The following MBOAT1 variants were observed in gnomAD, a reference collection of about 807,000 sequenced individuals.
The protein encoded by MBOAT1 is membrane-bound glycerophospholipid O-acyltransferase 1.
Under a neutral mutation model 64.4 loss-of-function variants are expected in MBOAT1, and 67 were observed. The ratio of observed to expected loss-of-function variants is 1.04; its 90% CI spans 0.85 to 1.27. The LOEUF (loss-of-function observed/expected upper bound fraction) is 1.27, where lower values mean the gene tolerates loss of function less well. MBOAT1 is among the 50% of genes most tolerant of loss of function. The pLI is 0.00. For synonymous variants in MBOAT1, 229 were observed against 218.9 expected (o/e 1.05, Z -0.41); for missense variants, 563 against 604.6 (o/e 0.93, Z 0.72).
chr6:20,152,459 G>A (rs914980397), intron 2 of MBOAT1, among the ~76,000 whole-genome samples, 165 bp downstream of exon 2: 3 of 151,562 alleles, frequency 2.0e-5, no homozygotes, highest in Non-Finnish European at 2.9e-5. Context: ...AGTAAATGGA[G>A]AGTCCTGCAA....
Position 20,203,800 on chromosome 6 carries a change from TAAA to T in MBOAT1, c.99+8333_99+8335del, listed in dbSNP as rs59442669. Among the ~76,000 whole-genome samples the T allele has an allele frequency of 7.0e-3, 984 of 139,728 alleles. 18 individuals carry two copies. Among genetic ancestry groups the T allele is most frequent in the African/African-American group, 0.023 (900 of 38,418 alleles). 91.7% of individuals were successfully genotyped at this position (139,728 alleles called of 152,430 possible). A position where few individuals can be genotyped will look rare whatever the true frequency, so the allele number is the denominator to read the frequency against. ...CAAACAACTTTACAATGGGCCCGTT[TAAA>T]AAAAAAAAAAAAATAGGAGATTCAC... On this transcript the variant is annotated intron_variant, in intron 1 of 12. Coordinates refer to ENST00000324607, the MANE Select transcript of MBOAT1 (RefSeq NM_001080480.3).
Position 20,152,702 on chromosome 6 carries a change from G to A in MBOAT1, c.167C>T (p.Pro56Leu), listed in dbSNP as rs757678573. 6.2e-7 allele frequency: 1 copy of A among 1,612,228 alleles called. No homozygotes were observed. Among genetic ancestry groups the A allele is most frequent in the Non-Finnish European group, 8.5e-7 (1 of 1,178,754 alleles). Residue 56 changes from proline to leucine, a missense_variant, in exon 2 of 13, where the codon CCT (proline) becomes CTT (leucine). By Grantham distance (98) the Pro-to-Leu change is moderately conservative (BLOSUM62 -3). Transcript: ENST00000324607. ...AAFWFRIYLR[P>L]GTTSSDVRHA... ...CCGGACATCAGAGCTGGTTGTACCA[G>A]GACGTAAGTAGATGCGAAACCAGAA...
intron 7 of MBOAT1, among the ~76,000 whole-genome samples, chr6:20,125,722 G>A (rs758697145): frequency 3.3e-5 from 5 of 152,214 alleles, no homozygotes; most frequent in Non-Finnish European, 7.3e-5. Flanking sequence ...ATAAAGTGCT[G>A]AGAACTGAAC....
chr6:20,152,334 AAAAATAAAAAAT>A (rs200232692), intron 2 of MBOAT1, among the ~76,000 whole-genome samples: 1,173 of 57,572 alleles, frequency 0.02, 10 homozygotes, highest in South Asian at 0.038. Context: ...CTCAAAAAAA[AAAAATAAAAAAT>A]AAATAAATAA....
rs113251227 is a variant in MBOAT1 at position 20,172,949 on chromosome 6, T to C, written c.100-20180A>G. On this transcript the variant is annotated intron_variant, in intron 1 of 12. Coordinates refer to ENST00000324607, the MANE Select transcript of MBOAT1 (RefSeq NM_001080480.3). ...CTGGAATATGGCCGTGGATTTCTCA[T>C]GAATGGTTTACTGTCATCCCCTTGG... 9.9e-3 allele frequency among the ~76,000 whole-genome samples: 1,515 copies of C among 152,298 alleles called. 28 individuals are homozygous for C. Among genetic ancestry groups the C allele is most frequent in the African/African-American group, 0.035 (1,452 of 41,560 alleles).
rs544975737 is a variant in MBOAT1, at chr6:20,199,956, A to C, written c.99+12180T>G. Among the ~76,000 whole-genome samples the C allele has an allele frequency of 1.7e-3, 251 of 149,084 alleles. 1 individual carries two copies. The highest frequency in any genetic ancestry group is 6.2e-3 in the African/African-American group (242 of 39,258). ...GCACTCCAGCCTGGGCAACAGGGTA[A>C]GACTCTGTCTCAAAAAAAAATAAAA... On this transcript the variant is annotated intron_variant, in intron 1 of 12. Transcript: ENST00000324607.
At chr6:20,109,242 G>A (rs570451910) in intron 12 of MBOAT1, among the ~76,000 whole-genome samples, 4 of 152,166 alleles carry the variant, frequency 2.6e-5, no homozygotes, top group South Asian at 4.1e-4. Context: ...CTCAGAACAC[G>A]TCATAGTCCC....
At chr6:20,184,582 G>A (rs917718220) in intron 1 of MBOAT1, among the ~76,000 whole-genome samples, 16 of 152,042 alleles carry the variant, frequency 1.1e-4, no homozygotes, top group African/African-American at 3.1e-4. Flanking sequence ...AGCAGTTAGC[G>A]TGTCTCCCCA....
chr6:20,182,813 A>C (rs1309545818), intron 1 of MBOAT1, among the ~76,000 whole-genome samples: 1 of 152,138 alleles, frequency 6.6e-6, no homozygotes, highest in East Asian at 1.9e-4. Context: ...TCTCCACATC[A>C]AAGTTGATAT....
At chr6:20,112,421 G>A (rs1015034737) in intron 11 of MBOAT1, among the ~76,000 whole-genome samples, 5 of 152,092 alleles carry the variant, frequency 3.3e-5, no homozygotes, top group Non-Finnish European at 7.4e-5. Context: ...CTCACTTCCC[G>A]TGGCCGCTAT....
intron 1 of MBOAT1, among the ~76,000 whole-genome samples, chr6:20,171,065 T>C (rs568953228): frequency 9.2e-5 from 14 of 152,300 alleles, no homozygotes; most frequent in Admixed American, 7.8e-4. Context: ...GTAGGAAATA[T>C]AGTTTTGGTA....
intron 9 of MBOAT1, 77 bp from the exon 10 acceptor site, chr6:20,115,429 G>A (rs1760291668): frequency 8.3e-7 from 1 of 1,210,768 alleles, no homozygotes; most frequent in African/African-American, 1.5e-5. Flanking sequence ...CAGTTTCCCT[G>A]GCAGCAGGTT....
Position 20,102,198 on chromosome 6 carries a change from T to A in MBOAT1, c.*88A>T. The A allele has an allele frequency of 7.7e-7, 1 of 1,301,416 alleles. No homozygotes were observed. The highest frequency in any genetic ancestry group is 1.0e-6 in the Non-Finnish European group (1 of 962,336). 80.6% of individuals were successfully genotyped at this position (1,301,416 alleles called of 1,614,324 possible). On this transcript the variant is annotated 3_prime_UTR_variant, in exon 13 of 13. Transcript: ENST00000324607. Reference sequence around the variant, plus strand: ...AATAAAGATGCATGTAAACATCGCCTCTAAGCCACCGGAGGAGCCCTTGAA... The same window carrying A: ...AATAAAGATGCATGTAAACATCGCCACTAAGCCACCGGAGGAGCCCTTGAA...
At chr6:20,167,109 A>G (rs1762037803) in intron 1 of MBOAT1, among the ~76,000 whole-genome samples, 1 of 152,190 alleles carries the variant, frequency 6.6e-6, no homozygotes, top group South Asian at 2.1e-4. Flanking sequence ...ATCTAGGAGG[A>G]AAGCAGAGTG....
intron 1 of MBOAT1, among the ~76,000 whole-genome samples, chr6:20,203,049 A>G (rs1435162175): frequency 1.3e-5 from 2 of 152,194 alleles, no homozygotes; most frequent in Admixed American, 6.5e-5. Flanking sequence ...TCCGCCTGTA[A>G]TCCCAGCACT....
chr6:20,206,569 G>A (rs1252030180), intron 1 of MBOAT1, among the ~76,000 whole-genome samples: 1 of 152,168 alleles, frequency 6.6e-6, no homozygotes, highest in Non-Finnish European at 1.5e-5. Flanking sequence ...GATGCATGCA[G>A]AGGCATGGGC....
At chr6:20,161,022 C>G (rs568135033) in intron 1 of MBOAT1, among the ~76,000 whole-genome samples, 4 of 152,276 alleles carry the variant, frequency 2.6e-5, no homozygotes, top group South Asian at 4.1e-4. Flanking sequence ...GGTCCATGGC[C>G]TGTTAGGAAC....
intron 12 of MBOAT1, 73 bp from the exon 13 acceptor site, chr6:20,102,485 C>T (rs1759830789): frequency 7.7e-7 from 1 of 1,302,728 alleles, no homozygotes; most frequent in Non-Finnish European, 1.1e-6. Flanking sequence ...AATTATATCA[C>T]CTACAGTATG....
chr6:20,146,827 G>A (rs920998888), intron 3 of MBOAT1, among the ~76,000 whole-genome samples: 2 of 152,144 alleles, frequency 1.3e-5, no homozygotes, highest in African/African-American at 2.4e-5. Flanking sequence ...TTCATGCCCT[G>A]GCCAAACCTA....
Sources: allele counts gnomAD v4.1 joint callset (sites outside exome capture counted in the v4.1 genomes callset), GRCh38; gene constraint gnomAD v4.1.1; transcripts MANE v1.5; gene names NCBI Gene and HGNC (gene_info 2026-07-23, HGNC 2026-07-21).